Variants in HEATR1 observed in about 807,000 individuals in gnomAD.
The protein encoded by HEATR1 is HEAT repeat containing 1, also known as HEAT repeat-containing protein 1.
Under a neutral mutation model 248.2 loss-of-function variants are expected in HEATR1, and 77 were observed. That is an observed-to-expected ratio of 0.31 (90% CI 0.26 to 0.37). HEATR1 has a LOEUF of 0.37. Among genes scored for constraint, HEATR1 ranks in the 10% least tolerant of loss-of-function variants. The probability of loss-of-function intolerance (pLI) is 1.00; values close to 1 mark genes in which losing one functional copy is unlikely to be tolerated. For synonymous variants in HEATR1, 897 were observed against 923.1 expected (o/e 0.97, Z 0.51); for missense variants, 2,420 against 2,504.9 (o/e 0.97, Z 0.72).
rs1662858523 is a variant in HEATR1 at position 236,553,826 on chromosome 1, T to C, written c.6079-87A>G. The C allele has an allele frequency of 2.2e-6, 3 of 1,388,504 alleles. No individual in the cohort carries two copies. The Admixed American group carries it at 6.3e-5, about 29-fold the overall frequency. The allele number at this position is 1,388,504 out of a possible 1,614,324, so 86.0% of individuals were successfully genotyped here. Reference sequence around the variant, plus strand: ...AATATCCAACATACAAATATTTTACTATCTTTCATGATATTAGCAGGTTCA... The same window carrying C: ...AATATCCAACATACAAATATTTTACCATCTTTCATGATATTAGCAGGTTCA... On this transcript the variant is annotated intron_variant, in intron 42 of 44. Coordinates refer to ENST00000366582, the MANE Select transcript of HEATR1 (RefSeq NM_018072.6).
intron 44 of HEATR1, chr1:236,551,300 A>G: frequency 3.1e-6 from 1 of 327,194 alleles, no homozygotes; most frequent in South Asian, 4.8e-5. Context: ...ACAAAGGAGA[A>G]TGTACTTTTG....
At chr1:236,580,932 GC>G (rs1663716636) in intron 20 of HEATR1, among the ~76,000 whole-genome samples, 2 of 147,324 alleles carry the variant, frequency 1.4e-5, no homozygotes, top group African/African-American at 5.1e-5. Context: ...CAATTCTCCA[GC>G]CTCAGCCTCC....
At chr1:236,565,307 T>A (rs956279780) in intron 31 of HEATR1, among the ~76,000 whole-genome samples, 1 of 152,180 alleles carries the variant, frequency 6.6e-6, no homozygotes, top group Non-Finnish European at 1.5e-5. Context: ...TATCAACACG[T>A]CAACCCTTTC....
At chr1:236,575,544 C>T (rs1036494997) in intron 22 of HEATR1, among the ~76,000 whole-genome samples, 1 of 152,174 alleles carries the variant, frequency 6.6e-6, no homozygotes, top group Non-Finnish European at 1.5e-5. Context: ...TTAATTTAAA[C>T]TATACCAGGG....
intron 37 of HEATR1, among the ~76,000 whole-genome samples, chr1:236,556,833 G>A (rs1290211506): frequency 6.6e-6 from 1 of 152,072 alleles, no homozygotes; most frequent in African/African-American, 2.4e-5. Flanking sequence ...AGATGCCTTA[G>A]GATTATACCT....
chr1:236,574,785 T>C lies in HEATR1; in HGVS notation c.3203A>G (p.Asn1068Ser), dbSNP rs905633436. 70 of 1,613,868 alleles carry C rather than the reference T, an allele frequency of 4.3e-5. No individual in the cohort carries two copies. Among genetic ancestry groups the C allele is most frequent in the Non-Finnish European group, 5.8e-5 (68 of 1,179,884 alleles). ...MVLHLTLGKY[N>S]EFSVSLLNED... is the part of the protein sequence containing the mutation. ...ATTTAAAAGGGAAACTGAAAATTCA[T>C]TATACTTTCCCAGAGTGAGATGCAG... is the stretch of plus-strand genomic sequence containing the variant. Residue 1068 changes from asparagine to serine, a missense_variant, in exon 23 of 45, where the codon AAT becomes AGT. Transcript: ENST00000366582.
In HEATR1 at chr1:236,566,770, C is replaced by T. The variant is rs1663283673; in HGVS notation, c.4184G>A (p.Arg1395His). 2.5e-6 allele frequency: 4 copies of T among 1,613,954 alleles called. No homozygotes were observed. Among genetic ancestry groups the T allele is most frequent in the African/African-American group, 1.3e-5 (1 of 74,916 alleles). ...AACAAGTTGAACAAGGATGGGCAGG[C>T]GCCTGTGCTCCGGGACGTGTGGCAG... ...DALPHVPEHR[R>H]LPILVQLVDT... Residue 1395 changes from arginine to histidine, a missense_variant, in exon 30 of 45, where the codon CGC becomes CAC. Physicochemically the swap from Arg to His is conservative, Grantham distance 29. Transcript: ENST00000366582.
chr1:236,554,633 T>C lies in HEATR1; in HGVS notation c.6043A>G (p.Arg2015Gly), dbSNP rs747143393. The change falls in exon 42 of 45, where the codon AGA (arginine) becomes GGA (glycine). Residue 2015 changes from arginine (R) to glycine (G), a missense_variant. Coordinates refer to ENST00000366582, the MANE Select transcript of HEATR1 (RefSeq NM_018072.6). The stretch of plus-strand genomic sequence containing the variant: ...AGAGGCATCATCAAGGCTTCTGCTC[T>C]CTCTTTACTTATAAAATGCTGGGTA... ...FDTQHFISKE[R>G]AEALMMPLVD... The C allele has an allele frequency of 1.2e-6, 2 of 1,612,358 alleles. No individual in the cohort carries two copies. Among genetic ancestry groups the C allele is most frequent in the Non-Finnish European group, 1.7e-6 (2 of 1,179,574 alleles).
rs1664155015 is a variant in HEATR1 at position 236,595,559 on chromosome 1, G to A, written c.1071C>T (p.Ser357=). The A allele has an allele frequency of 6.2e-7, 1 of 1,611,794 alleles. No individual in the cohort carries two copies. The highest frequency in any genetic ancestry group is 1.3e-5 in the African/African-American group (1 of 74,850). ...ACACACCTGTAACATGATGAATGAT[G>A]GAGACGACCAGATGGGGAAGCATGT... ...LHYMLPHLVV[S]IIHHVTGEET... is the part of the protein sequence containing the mutation. Residue 357 remains serine, a synonymous_variant, in exon 8 of 45, where the codon TCC becomes TCT. Coordinates refer to ENST00000366582, the MANE Select transcript of HEATR1 (RefSeq NM_018072.6).
Position 236,558,449 on chromosome 1 carries a change from T to C in HEATR1, c.4992A>G (p.Ala1664=). The C allele has an allele frequency of 6.2e-7, 1 of 1,614,242 alleles. No homozygotes were observed. Among genetic ancestry groups the C allele is most frequent in the East Asian group, 2.2e-5 (1 of 44,892 alleles). ...TATACAACGCTGTCTGTCTGTTGAT[T>C]GCTTGTTCTTCTTCCCCTTCCTTTT... ...RKKKEGEEEQ[A]INRQTALYTL... is the part of the protein sequence containing the mutation. The change falls in exon 36 of 45, where the codon GCA becomes GCG. Residue 1664 remains alanine (A), a synonymous_variant. Transcript: ENST00000366582.
At chr1:236,557,776 C>A (rs1377224982) in intron 36 of HEATR1, among the ~76,000 whole-genome samples, 1 of 152,172 alleles carries the variant, frequency 6.6e-6, no homozygotes, top group African/African-American at 2.4e-5. Flanking sequence ...GCAGCTTTGG[C>A]CTTGCCTAAC....
At chr1:236,578,161 C>T (rs1663616816) in intron 20 of HEATR1, among the ~76,000 whole-genome samples, 1 of 152,154 alleles carries the variant, frequency 6.6e-6, no homozygotes. Context: ...CTTCTAATGC[C>T]AGAGCTAAGT....
intron 26 of HEATR1, 68 bp downstream of exon 26, chr1:236,572,343 G>GA: frequency 6.8e-7 from 1 of 1,469,720 alleles, no homozygotes; most frequent in Non-Finnish European, 9.4e-7. Context: ...GTTGAAAAGA[G>GA]AATGTTAGAT....
chr1:236,602,094 G>A (rs938469584), intron 3 of HEATR1, among the ~76,000 whole-genome samples: 7 of 150,338 alleles, frequency 4.7e-5, no homozygotes, highest in Non-Finnish European at 7.4e-5. Context: ...AGATGAGATC[G>A]TGCCACTGCA....
Position 236,596,855 on chromosome 1 carries a change from A to G in HEATR1, c.725T>C (p.Leu242Pro). 1 of 1,613,512 alleles carries G rather than the reference A, an allele frequency of 6.2e-7. No individual in the cohort carries two copies. The highest frequency in any genetic ancestry group is 8.5e-7 in the Non-Finnish European group (1 of 1,179,780). ...EDVSDNIIAKLFPYIQKGLKS... is the reference protein window; with the variant it reads ...EDVSDNIIAKPFPYIQKGLKS... ...GCCAACCTTTTGGATATAGGGAAATAGTTTGGCGATGATATTGTCTGATAC... is the reference window on the plus strand; with the variant it reads ...GCCAACCTTTTGGATATAGGGAAATGGTTTGGCGATGATATTGTCTGATAC... Residue 242 changes from leucine to proline, a missense_variant, in exon 6 of 45, where the codon CTA (leucine) becomes CCA (proline). Physicochemically the swap from Leu to Pro is moderately conservative, Grantham distance 98 (BLOSUM62 -3). Coordinates refer to ENST00000366582, the MANE Select transcript of HEATR1 (RefSeq NM_018072.6).
Position 236,583,579 on chromosome 1 carries a change from C to T in HEATR1, c.2242-383G>A, listed in dbSNP as rs894950449. ...TCAGCTCACTGCAACCTCCGCTTCC[C>T]AGGTTCAAGCAATTCTACTGCTTCA... On this transcript the variant is annotated intron_variant, in intron 17 of 44. Transcript: ENST00000366582. 2.0e-5 allele frequency among the ~76,000 whole-genome samples: 3 copies of T among 150,480 alleles called. No homozygotes were observed. The East Asian group carries it at 5.9e-4, about 30-fold the overall frequency.
chr1:236,597,402 C>A (rs1664205696), intron 5 of HEATR1, among the ~76,000 whole-genome samples: 1 of 151,786 alleles, frequency 6.6e-6, no homozygotes, highest in South Asian at 2.1e-4. Flanking sequence ...ACAGGCATGC[C>A]CCACCATGCC....
In HEATR1 at chr1:236,568,891, AAAAAAAC is replaced by A. The variant is rs1332281317; in HGVS notation, c.4077+98_4077+104del. On this transcript the variant is annotated intron_variant, in intron 29 of 44. Coordinates refer to ENST00000366582, the MANE Select transcript of HEATR1 (RefSeq NM_018072.6). Reference sequence around the variant, plus strand: ...ATACAACTGTTGAGGATATTAAAAAAAAAAAACAAAAAAAAAAAACTAAAAAAAAGGC... The same window carrying A: ...ATACAACTGTTGAGGATATTAAAAAAAAAAAAAAAAAACTAAAAAAAAGGC... 2,033 of 586,624 alleles carry A rather than the reference AAAAAAAC, an allele frequency of 3.5e-3. 2 individuals are homozygous for A. The highest frequency in any genetic ancestry group is 0.013 in the Middle Eastern group (22 of 1,672). 36.3% of individuals were successfully genotyped at this position (586,624 alleles called of 1,614,324 possible).
intron 44 of HEATR1, 198 bp downstream of exon 44, chr1:236,551,801 C>T (rs1038683838): frequency 9.3e-6 from 5 of 540,016 alleles, no homozygotes; most frequent in South Asian, 2.4e-5. Flanking sequence ...GTGGTCACTT[C>T]GCAACTTGCT....
Sources: allele counts gnomAD v4.1 joint callset (sites outside exome capture counted in the v4.1 genomes callset), GRCh38; gene constraint gnomAD v4.1.1; transcripts MANE v1.5; gene names NCBI Gene and HGNC (gene_info 2026-07-23, HGNC 2026-07-21).